The following DNAJC12 variants were observed in gnomAD, a reference collection of about 807,000 sequenced individuals.
The protein encoded by DNAJC12 is dnaJ homolog subfamily C member 12.
Under a neutral mutation model 28.5 loss-of-function variants are expected in DNAJC12, and 25 were observed. The ratio of observed to expected loss-of-function variants is 0.88; its 90% CI spans 0.64 to 1.22. The LOEUF (loss-of-function observed/expected upper bound fraction) is 1.22. Ranked by LOEUF, DNAJC12 falls within the 50% of genes most tolerant of loss-of-function variation. The pLI, the probability that DNAJC12 is intolerant of heterozygous loss-of-function variation, is 0.00. For missense variants in DNAJC12, 222 were observed against 231.7 expected (o/e 0.96, Z 0.27); for synonymous variants, 77 against 80.6 (o/e 0.95, Z 0.24).
intron 3 of DNAJC12, among the ~76,000 whole-genome samples, chr10:67,808,794 T>C (rs929821646): frequency 3.9e-5 from 6 of 152,218 alleles, no homozygotes; most frequent in African/African-American, 4.8e-5. Context: ...TTTTCACTTA[T>C]CAGGGTGATT....
intron 4 of DNAJC12, among the ~76,000 whole-genome samples, chr10:67,800,926 A>G (rs554613239): frequency 2.6e-5 from 4 of 151,980 alleles, no homozygotes; most frequent in Non-Finnish European, 4.4e-5. Context: ...CTGGGCAACA[A>G]AGCAAGATTC....
In DNAJC12 at chr10:67,811,554, C is replaced by T. The variant is rs1470968999; in HGVS notation, c.267G>A (p.Gln89=). 3.1e-6 allele frequency: 5 copies of T among 1,614,220 alleles called. No individual in the cohort carries two copies. In the Admixed American group the frequency reaches 5.0e-5, roughly 16 times the overall value. ...TCACTGAGTCATTCAAAGCTTCCCA[C>T]TGCTGGAATGGCATCGACATCTGGC... The part of the protein sequence containing the change: ...RRSQMSMPFQ[Q]WEALNDSVKT... Residue 89 remains glutamine, a synonymous_variant, in exon 3 of 5, where the codon CAG becomes CAA. Coordinates refer to ENST00000225171, the MANE Select transcript of DNAJC12 (RefSeq NM_021800.3).
At chr10:67,805,311 G>A (rs1841788028) in intron 4 of DNAJC12, among the ~76,000 whole-genome samples, 1 of 152,112 alleles carries the variant, frequency 6.6e-6, no homozygotes. Flanking sequence ...ACTAATATAT[G>A]TAAAGAGTGT....
At chr10:67,811,751 T>C in intron 2 of DNAJC12, 88 bp from the exon 3 acceptor site, 1 of 1,520,778 alleles carries the variant, frequency 6.6e-7, no homozygotes, top group Non-Finnish European at 8.8e-7. Flanking sequence ...ACTAAAACCA[T>C]GACTGCCACT....
intron 4 of DNAJC12, among the ~76,000 whole-genome samples, chr10:67,803,935 A>T (rs1256161930): frequency 6.6e-6 from 1 of 152,234 alleles, no homozygotes; most frequent in Non-Finnish European, 1.5e-5. Context: ...AACTCTATGG[A>T]TCTTCATTCC....
chr10:67,805,294 A>C (rs1376197764), intron 4 of DNAJC12, among the ~76,000 whole-genome samples: 1 of 152,140 alleles, frequency 6.6e-6, no homozygotes. Context: ...TGAGATAATA[A>C]ATGTAAACTA....
intron 1 of DNAJC12, among the ~76,000 whole-genome samples, chr10:67,824,880 C>CCCA (rs1485011505): frequency 2.6e-5 from 4 of 151,882 alleles, no homozygotes; most frequent in Non-Finnish European, 1.5e-5. Flanking sequence ...ATTACAGGTG[C>CCCA]CCACCACCAC....
chr10:67,826,500 C>T (rs1262658547), intron 1 of DNAJC12, among the ~76,000 whole-genome samples: 2 of 142,178 alleles, frequency 1.4e-5, no homozygotes, highest in Admixed American at 1.5e-4. Context: ...TATATATATG[C>T]ATATATATCA....
Position 67,819,225 on chromosome 10 carries a change from C to T in DNAJC12, c.157+4089G>A, listed in dbSNP as rs563175220. The stretch of plus-strand genomic sequence containing the variant: ...GCAGGCGCCTGTAGTCCCAGCTACT[C>T]GGGAGGCTGAGGCAGGAGAATGGCG... On this transcript the variant is annotated intron_variant, in intron 2 of 4. Transcript: ENST00000225171. Among the ~76,000 whole-genome samples the T allele has an allele frequency of 2.3e-3, 343 of 152,028 alleles. 4 individuals are homozygous for T. Among genetic ancestry groups the T allele is most frequent in the East Asian group, 1.8e-3 (9 of 5,092 alleles).
intron 1 of DNAJC12, among the ~76,000 whole-genome samples, chr10:67,829,558 G>T (rs1589050136): frequency 6.6e-6 from 1 of 152,068 alleles, no homozygotes; most frequent in Non-Finnish European, 1.5e-5. Flanking sequence ...GGAGAATGGC[G>T]TGAATCTGGG....
chr10:67,837,008 A>G (rs1360348233), intron 1 of DNAJC12, among the ~76,000 whole-genome samples: 2 of 150,942 alleles, frequency 1.3e-5, no homozygotes, highest in African/African-American at 2.4e-5. Context: ...CATTATTTGA[A>G]ATATTGAAAA....
chr10:67,810,343 C>T (rs1275651722), intron 3 of DNAJC12, among the ~76,000 whole-genome samples: 1 of 152,018 alleles, frequency 6.6e-6, no homozygotes, highest in Admixed American at 6.6e-5. Flanking sequence ...ACACTTGTAC[C>T]CCAAAAGCTA....
intron 3 of DNAJC12, chr10:67,808,591 G>A (rs1841826885): frequency 6.6e-6 from 1 of 151,840 alleles, no homozygotes; most frequent in Admixed American, 6.6e-5. Flanking sequence ...GCACGTTCGC[G>A]AAGCATTCCA....
chr10:67,824,073 T>C (rs1381434947), intron 1 of DNAJC12, among the ~76,000 whole-genome samples: 1 of 151,700 alleles, frequency 6.6e-6, no homozygotes. Flanking sequence ...CCGTCTCTAC[T>C]AAAAATACAA....
intron 2 of DNAJC12, among the ~76,000 whole-genome samples, chr10:67,819,759 G>A (rs1469123023): frequency 1.9e-4 from 4 of 20,800 alleles, no homozygotes; most frequent in African/African-American, 5.9e-4. Context: ...AGGAAGGAAG[G>A]AAGGAAGGAA....
intron 4 of DNAJC12, among the ~76,000 whole-genome samples, chr10:67,801,470 T>C (rs1178464324): frequency 1.3e-5 from 2 of 152,192 alleles, no homozygotes; most frequent in African/African-American, 2.4e-5. Flanking sequence ...CAGAATTTCA[T>C]AATTCTCCAA....
intron 1 of DNAJC12, chr10:67,833,661 G>A (rs947880507): frequency 3.0e-5 from 8 of 268,272 alleles, no homozygotes; most frequent in Admixed American, 2.2e-4. Context: ...GCTTGCGATC[G>A]GTGGCTGCGT....
intron 2 of DNAJC12, among the ~76,000 whole-genome samples, chr10:67,821,334 T>G (rs1455569690): frequency 1.3e-5 from 2 of 151,954 alleles, no homozygotes; most frequent in Admixed American, 1.3e-4. Flanking sequence ...CTGACCAACA[T>G]GGAGAAACCC....
intron 1 of DNAJC12, among the ~76,000 whole-genome samples, chr10:67,824,235 T>TA (rs11351546): frequency 0.096 from 12,996 of 135,910 alleles, 750 homozygotes; most frequent in Middle Eastern, 0.19. Flanking sequence ...GAGTCTGTCT[T>TA]AAAAAAAAAA....
Sources: gnomAD v4.1 joint callset for allele counts (sites outside exome capture counted in the v4.1 genomes callset) on GRCh38, gnomAD v4.1.1 for gene constraint, MANE v1.5 for transcripts, NCBI Gene and HGNC (gene_info 2026-07-23, HGNC 2026-07-21) for gene names.